PDE10A: variants seen among roughly 807,000 people sequenced by gnomAD.
The protein encoded by PDE10A is cAMP and cAMP-inhibited cGMP 3',5'-cyclic phosphodiesterase 10A.
In PDE10A, 39 loss-of-function variants were observed where a neutral mutation model predicts 97.7. That is an observed-to-expected ratio of 0.40 (90% CI 0.31 to 0.52). The LOEUF is 0.52. Among genes scored for constraint, PDE10A ranks in the 20% least tolerant of loss-of-function variants. The probability of loss-of-function intolerance (pLI) is 0.56; values close to 1 mark genes in which losing one functional copy is unlikely to be tolerated. For synonymous variants in PDE10A, 371 were observed against 376.8 expected (o/e 0.98, Z 0.18); for missense variants, 731 against 1,047.8 (o/e 0.70, Z 4.17).
intron 18 of PDE10A, among the ~76,000 whole-genome samples, chr6:165,373,601 G>C (rs2128203829): frequency 6.6e-6 from 1 of 152,226 alleles, no homozygotes; most frequent in East Asian, 1.9e-4. Flanking sequence ...GAGAGGATAT[G>C]GAGAAATAGG....
chr6:165,496,448 G>T (rs1780542255), intron 2 of PDE10A, among the ~76,000 whole-genome samples: 1 of 152,052 alleles, frequency 6.6e-6, no homozygotes, highest in Non-Finnish European at 1.5e-5. Flanking sequence ...TTTCAAACTT[G>T]CCTCCCTTAT....
chr6:165,917,990 C>G (rs1583282356), intron 1 of PDE10A, among the ~76,000 whole-genome samples: 1 of 152,152 alleles, frequency 6.6e-6, no homozygotes, highest in Admixed American at 6.5e-5. Context: ...AAATACTGGA[C>G]GTCCACTAAA....
intron 2 of PDE10A, among the ~76,000 whole-genome samples, chr6:165,510,338 T>G (rs1781438869): frequency 6.6e-6 from 1 of 152,126 alleles, no homozygotes; most frequent in South Asian, 2.1e-4. Context: ...TATATTGGTT[T>G]GCATATCTTA....
chr6:165,578,820 C>A (rs936858017), intron 1 of PDE10A, among the ~76,000 whole-genome samples: 4 of 152,204 alleles, frequency 2.6e-5, no homozygotes, highest in Non-Finnish European at 5.9e-5. Context: ...AATGAAACCA[C>A]TGCTGCTCCC....
chr6:165,362,526 G>A (rs1783488025), intron 18 of PDE10A, among the ~76,000 whole-genome samples: 1 of 152,168 alleles, frequency 6.6e-6, no homozygotes, highest in Admixed American at 6.5e-5. Context: ...AATAGTCAAT[G>A]TGAATAGACC....
rs1438788788 is a variant in PDE10A at position 165,327,960 on chromosome 6, A to C, written c.*5065T>G. ...GATGCCTTAGCTACGTTATGGATCT[A>C]GGATCTCTTTTGTTCATTTGTTCAT... is the stretch of plus-strand genomic sequence containing the variant. On this transcript the variant is annotated 3_prime_UTR_variant, in exon 22 of 22. Transcript: ENST00000539869. 6.6e-6 allele frequency: 1 copy of C among 152,228 alleles called. No homozygotes were observed. Among genetic ancestry groups the C allele is most frequent in the Non-Finnish European group, 1.5e-5 (1 of 68,050 alleles). The allele number at this position is 152,228 out of a possible 1,614,324, so 9.4% of individuals were successfully genotyped here. A position where few individuals can be genotyped will look rare whatever the true frequency, so the allele number is the denominator to read the frequency against.
intron 1 of PDE10A, among the ~76,000 whole-genome samples, chr6:165,859,860 T>C (rs554993562): frequency 1.3e-5 from 2 of 152,172 alleles, no homozygotes; most frequent in Non-Finnish European, 2.9e-5. Context: ...TACTCAGCCA[T>C]AAAAAGGAAT....
intron 2 of PDE10A, among the ~76,000 whole-genome samples, chr6:165,519,466 A>G (rs974859653): frequency 2.1e-5 from 3 of 145,124 alleles, no homozygotes; most frequent in Non-Finnish European, 3.1e-5. Flanking sequence ...TGAGGAGAGG[A>G]AAAAAAAAAA....
chr6:165,961,004 A>C (rs1357677656), intron 1 of PDE10A, among the ~76,000 whole-genome samples: 1 of 152,018 alleles, frequency 6.6e-6, no homozygotes, highest in Non-Finnish European at 1.5e-5. Context: ...CAGAACGCAT[A>C]AGGGGACCTG....
chr6:165,769,295 G>C (rs917164954), intron 1 of PDE10A, among the ~76,000 whole-genome samples: 11 of 152,278 alleles, frequency 7.2e-5, no homozygotes, highest in East Asian at 1.9e-4. Context: ...GTAGCTGGTG[G>C]CTGCTGTGGT....
rs1019551954 is a variant in PDE10A, at chr6:165,388,605, C to A, written c.2455-152G>T. The A allele has an allele frequency of 9.0e-6, 6 of 664,024 alleles. No homozygotes were observed. Among genetic ancestry groups the A allele is most frequent in the African/African-American group, 5.4e-5 (3 of 55,116 alleles). The allele number at this position is 664,024 out of a possible 1,614,324, so 41.1% of individuals were successfully genotyped here. ...AAGAATCCTATACAAATAGAGCAAA[C>A]CCTTAGGAATCTTGGAAATTCCAGA... On this transcript the variant is annotated intron_variant, in intron 16 of 21. Coordinates refer to ENST00000539869, the MANE Select transcript of PDE10A (RefSeq NM_001385079.1). This position sits in a 1 kb window ranked among gnomAD's most constrained non-coding sequence, Gnocchi z 4.0.
intron 1 of PDE10A, among the ~76,000 whole-genome samples, chr6:165,560,170 G>T (rs1305893436): frequency 4.6e-5 from 7 of 152,202 alleles, no homozygotes; most frequent in African/African-American, 1.7e-4. Flanking sequence ...AGTCCTTTAA[G>T]AGCAGATATT....
intron 1 of PDE10A, among the ~76,000 whole-genome samples, chr6:165,855,721 C>T (rs1345565952): frequency 6.6e-6 from 1 of 151,992 alleles, no homozygotes; most frequent in Non-Finnish European, 1.5e-5. Context: ...ACACCTAAAA[C>T]TTTCAAACGG....
At chr6:165,506,957 A>C (rs1781231301) in intron 2 of PDE10A, among the ~76,000 whole-genome samples, 1 of 152,128 alleles carries the variant, frequency 6.6e-6, no homozygotes, top group South Asian at 2.1e-4. Context: ...TCATCAGCTC[A>C]GGAGGTATTG....
chr6:165,458,066 C>T (rs1392933139), intron 3 of PDE10A, among the ~76,000 whole-genome samples: 1 of 152,106 alleles, frequency 6.6e-6, no homozygotes, highest in Non-Finnish European at 1.5e-5. Flanking sequence ...AAAGGAGCTC[C>T]TCAGTTTCTA....
Position 165,709,303 on chromosome 6 carries a change from C to T in PDE10A, c.-614-165735G>A, listed in dbSNP as rs544279406. 1.1e-3 allele frequency among the ~76,000 whole-genome samples: 152 copies of T among 140,814 alleles called. 1 individual carries two copies. Among genetic ancestry groups the T allele is most frequent in the African/African-American group, 3.6e-3 (136 of 37,474 alleles). The allele number at this position is 140,814 out of a possible 152,430, so 92.4% of individuals were successfully genotyped here. ...TCCTCCCACTCTCCCCACCATGCTGCGGCGCTCTCCCCCCACTCCACCGCT... is the reference window on the plus strand; with the variant it reads ...TCCTCCCACTCTCCCCACCATGCTGTGGCGCTCTCCCCCCACTCCACCGCT... On this transcript the variant is annotated intron_variant, in intron 1 of 19. Transcript: ENST00000366882.
At chr6:165,902,086 A>AACTAAG (rs1782126440) in intron 1 of PDE10A, among the ~76,000 whole-genome samples, 1 of 151,460 alleles carries the variant, frequency 6.6e-6, no homozygotes, top group Non-Finnish European at 1.5e-5. Context: ...ATTGAATAAA[A>AACTAAG]ACAAATTTTG....
At chr6:165,842,567 G>A (rs1780291546) in intron 1 of PDE10A, among the ~76,000 whole-genome samples, 1 of 152,204 alleles carries the variant, frequency 6.6e-6, no homozygotes, top group Admixed American at 6.5e-5. Context: ...ATTCATCCAG[G>A]CCTCCTCCTC....
intron 17 of PDE10A, among the ~76,000 whole-genome samples, chr6:165,380,524 G>T (rs1184057516): frequency 6.6e-6 from 1 of 152,216 alleles, no homozygotes; most frequent in Non-Finnish European, 1.5e-5. Flanking sequence ...CTCAGGTCTA[G>T]TTATTTATTT....
Sources: allele counts gnomAD v4.1 joint callset (sites outside exome capture counted in the v4.1 genomes callset), GRCh38; gene constraint gnomAD v4.1.1; non-coding constraint Gnocchi (gnomAD v3.1); transcripts MANE v1.5; gene names NCBI Gene and HGNC (gene_info 2026-07-23, HGNC 2026-07-21).